The following TBCA variants were observed in gnomAD, a reference collection of about 807,000 sequenced individuals.
The protein encoded by TBCA is tubulin-specific chaperone A.
TBCA carries 6 observed loss-of-function variants against 15.8 expected under a neutral mutation model. The observed-to-expected ratio is 0.38, with a 90% CI of 0.21 to 0.75. TBCA has a LOEUF of 0.75. Among genes scored for constraint, TBCA ranks in the 30% least tolerant of loss-of-function variants. The pLI is 0.46. For missense variants in TBCA, 90 were observed against 131.2 expected, an observed-to-expected ratio of 0.69 and a Z score of 1.53; for synonymous variants, 32 against 42.3, an observed-to-expected ratio of 0.76 and a Z score of 0.94.
chr5:77,770,615 G>A (rs1219192113), intron 1 of TBCA, among the ~76,000 whole-genome samples: 2 of 152,034 alleles, frequency 1.3e-5, no homozygotes, highest in Non-Finnish European at 2.9e-5. Flanking sequence ...TTCTGTGCTG[G>A]GGGAAAAAAC....
intron 1 of TBCA, among the ~76,000 whole-genome samples, chr5:77,731,765 A>G (rs1321862535): frequency 6.6e-6 from 1 of 152,134 alleles, no homozygotes; most frequent in Non-Finnish European, 1.5e-5. Context: ...ATAATCGCCT[A>G]TCAATCTTTT....
chr5:77,743,286 T>C (rs1192617594), intron 1 of TBCA, among the ~76,000 whole-genome samples: 1 of 152,224 alleles, frequency 6.6e-6, no homozygotes, highest in African/African-American at 2.4e-5. Context: ...TGCTACTTAA[T>C]AAATGTGTGC....
intron 1 of TBCA, among the ~76,000 whole-genome samples, chr5:77,759,938 T>C (rs529192704): frequency 1.3e-5 from 2 of 152,320 alleles, no homozygotes; most frequent in African/African-American, 2.4e-5. Context: ...GTGGTGACTA[T>C]TCTACCTCCT....
chr5:77,730,483 G>A (rs1746741411), intron 1 of TBCA, among the ~76,000 whole-genome samples: 1 of 74,880 alleles, frequency 1.3e-5, no homozygotes, highest in Non-Finnish European at 4.2e-5. Context: ...AATTTTAGTT[G>A]TTTTTATGCC....
At chr5:77,736,037 A>T (rs1229011962) in intron 1 of TBCA, among the ~76,000 whole-genome samples, 2 of 152,168 alleles carry the variant, frequency 1.3e-5, no homozygotes, top group African/African-American at 4.8e-5. Flanking sequence ...GTTCTAAGTT[A>T]AAAAATCTAG....
At chr5:77,696,197 A>G (rs763427183) in intron 2 of TBCA, among the ~76,000 whole-genome samples, 11 of 152,204 alleles carry the variant, frequency 7.2e-5, no homozygotes, top group Non-Finnish European at 1.6e-4. Flanking sequence ...ACCTTTAGCT[A>G]TAACAATCAA....
chr5:77,718,895 G>A (rs1561269684), intron 1 of TBCA, among the ~76,000 whole-genome samples: 1 of 152,092 alleles, frequency 6.6e-6, no homozygotes, highest in Admixed American at 6.5e-5. Context: ...TGTCTTCCAG[G>A]AGGACCACTC....
Sources: allele counts gnomAD v4.1 joint callset (sites outside exome capture counted in the v4.1 genomes callset), GRCh38; gene constraint gnomAD v4.1.1; transcripts MANE v1.5; gene names NCBI Gene and HGNC (gene_info 2026-07-23, HGNC 2026-07-21).